The following CDK5RAP2 variants were observed in gnomAD, a reference collection of about 807,000 sequenced individuals.
The protein encoded by CDK5RAP2 is CDK5 regulatory subunit associated protein 2, also known as CDK5 regulatory subunit-associated protein 2.
Under a neutral mutation model 232.9 loss-of-function variants are expected in CDK5RAP2, and 147 were observed. That is an observed-to-expected ratio of 0.63 (90% CI 0.55 to 0.72). The LOEUF is 0.72. Ranked by LOEUF, CDK5RAP2 falls within the 30% of genes least tolerant of loss-of-function variation. The probability of loss-of-function intolerance (pLI) is 0.00; values close to 1 mark genes in which losing one functional copy is unlikely to be tolerated. For missense variants in CDK5RAP2, 2,195 were observed against 2,231.5 expected, an observed-to-expected ratio of 0.98 and a Z score of 0.33; for synonymous variants, 833 against 833.7, an observed-to-expected ratio of 1.00 and a Z score of 0.01.
chr9:120,482,746 A>G (rs2131592707), intron 14 of CDK5RAP2, among the ~76,000 whole-genome samples: 1 of 152,350 alleles, frequency 6.6e-6, no homozygotes, highest in Middle Eastern at 3.4e-3. Context: ...TTAAGTAGGT[A>G]AGAGGGGAAC....
At position 120,403,179 on chromosome 9, in the gene CDK5RAP2, C is replaced by T. The variant is rs2033184741; in HGVS notation, c.5042-108G>A. Reference sequence around the variant, plus strand: ...GAGGGCTAGAAGAGGCCCTCGTGCCCAAATGCCACCCAACACAAGCCCAGA... The same window carrying T: ...GAGGGCTAGAAGAGGCCCTCGTGCCTAAATGCCACCCAACACAAGCCCAGA... On this transcript the variant is annotated intron_variant, in intron 33 of 37. Coordinates refer to ENST00000349780, the MANE Select transcript of CDK5RAP2 (RefSeq NM_018249.6). The surrounding 1 kb of genome is among the most constrained non-coding windows in gnomAD (Gnocchi z 4.2). 1.8e-6 allele frequency: 2 copies of T among 1,111,628 alleles called. No individual in the cohort carries two copies. The highest frequency in any genetic ancestry group is 2.7e-6 in the Non-Finnish European group (2 of 745,492). The allele number at this position is 1,111,628 out of a possible 1,614,324, so 68.9% of individuals were successfully genotyped here. A position where few individuals can be genotyped will look rare whatever the true frequency, so the allele number is the denominator to read the frequency against.
intron 35 of CDK5RAP2, among the ~76,000 whole-genome samples, chr9:120,396,755 C>T (rs1165098839): frequency 6.6e-6 from 1 of 152,238 alleles, no homozygotes; most frequent in East Asian, 1.9e-4. Flanking sequence ...GCTCTCCTAA[C>T]ATCCTGTATA....
At chr9:120,422,780 A>C (rs754842009) in intron 25 of CDK5RAP2, 39 bp from the exon 26 acceptor site, 1 of 1,551,220 alleles carries the variant, frequency 6.4e-7, no homozygotes, top group Admixed American at 1.7e-5. Context: ...AGGAGAAAAA[A>C]ATGTTTTTAA....
intron 18 of CDK5RAP2, 81 bp from the exon 19 acceptor site, chr9:120,460,748 C>T: frequency 4.0e-6 from 5 of 1,236,502 alleles, no homozygotes; most frequent in Non-Finnish European, 4.4e-6. Context: ...TCAGTGATGT[C>T]TTTTTTTTTT....
At chr9:120,476,603 C>T (rs1272461634) in intron 15 of CDK5RAP2, among the ~76,000 whole-genome samples, 4 of 150,386 alleles carry the variant, frequency 2.7e-5, no homozygotes, top group Admixed American at 1.3e-4. Context: ...CGCTTGAACC[C>T]GGGAGGCGGA....
At position 120,536,438 on chromosome 9, in the gene CDK5RAP2, A is replaced by T; in HGVS notation, c.596T>A (p.Leu199His). 1 of 1,614,186 alleles carries T rather than the reference A, an allele frequency of 6.2e-7. No individual in the cohort carries two copies. The highest frequency in any genetic ancestry group is 8.5e-7 in the Non-Finnish European group (1 of 1,180,034). The stretch of plus-strand genomic sequence containing the variant: ...CTCGTGCATCTTCTTCATCTCTGAA[A>T]GCTTGCTTTCCAAACGCAACCGAAG... ...KALRLRLESK[L>H]SEMKKMHEGD... The change falls in exon 7 of 38, where the codon CTT (leucine) becomes CAT (histidine). Residue 199 changes from leucine to histidine, a missense_variant. Physicochemically the swap from Leu to His is moderately conservative, Grantham distance 99. Coordinates refer to ENST00000349780, the MANE Select transcript of CDK5RAP2 (RefSeq NM_018249.6).
chr9:120,554,607 T>C (rs1328101323), intron 3 of CDK5RAP2, among the ~76,000 whole-genome samples: 1 of 152,180 alleles, frequency 6.6e-6, no homozygotes, highest in African/African-American at 2.4e-5. Flanking sequence ...AATTTGACGA[T>C]TTCAAAATGT....
At chr9:120,477,201 G>A in intron 15 of CDK5RAP2, 149 bp downstream of exon 15, 3 of 713,348 alleles carry the variant, frequency 4.2e-6, no homozygotes, top group East Asian at 2.6e-5. Flanking sequence ...TAGGGCAGTC[G>A]CCACCCAAGC....
At chr9:120,521,222 TAACAAC>T (rs1456811524) in intron 11 of CDK5RAP2, among the ~76,000 whole-genome samples, 1 of 152,222 alleles carries the variant, frequency 6.6e-6, no homozygotes, top group Non-Finnish European at 1.5e-5. Flanking sequence ...AAGGGTGAGC[TAACAAC>T]ACTTACTGTG....
At chr9:120,460,062 G>T (rs1205057183) in intron 19 of CDK5RAP2, among the ~76,000 whole-genome samples, 1 of 152,150 alleles carries the variant, frequency 6.6e-6, no homozygotes. Flanking sequence ...CCAAATGACA[G>T]TAACGTGGGT....
At chr9:120,517,893 C>CAAAAAA (rs748203571) in intron 12 of CDK5RAP2, 1 of 326,688 alleles carries the variant, frequency 3.1e-6, no homozygotes, top group African/African-American at 2.2e-5. Flanking sequence ...GACCCTGTCT[C>CAAAAAA]AAAAAAAACA....
At chr9:120,566,689 G>A (rs948437339) in intron 3 of CDK5RAP2, among the ~76,000 whole-genome samples, 2 of 152,244 alleles carry the variant, frequency 1.3e-5, no homozygotes, top group Admixed American at 1.3e-4. Flanking sequence ...AATGAGGGAA[G>A]TACAGAGAGG....
At chr9:120,546,139 G>A (rs1476098674) in intron 4 of CDK5RAP2, among the ~76,000 whole-genome samples, 2 of 152,096 alleles carry the variant, frequency 1.3e-5, no homozygotes, top group African/African-American at 2.4e-5. Flanking sequence ...GCAATTCTGC[G>A]GTGTGTTTTT....
At chr9:120,569,641 G>A (rs2042774938) in intron 2 of CDK5RAP2, among the ~76,000 whole-genome samples, 1 of 152,214 alleles carries the variant, frequency 6.6e-6, no homozygotes, top group South Asian at 2.1e-4. Context: ...AGCAGGACTG[G>A]AGGTGAGAGA....
Position 120,437,282 on chromosome 9 carries a change from T to C in CDK5RAP2, c.3955+13A>G. The stretch of plus-strand genomic sequence containing the variant: ...ACTGATGTCTTAAGACTCGCGTACC[T>C]CACCCTACCTACCGTTGAGAAATAG... On this transcript the variant is annotated intron_variant, in intron 25 of 37. Transcript: ENST00000349780. 1 of 1,588,640 alleles carries C rather than the reference T, an allele frequency of 6.3e-7. No individual in the cohort carries two copies.
At chr9:120,568,748 CT>C (rs1288827788) in intron 2 of CDK5RAP2, among the ~76,000 whole-genome samples, 2 of 152,160 alleles carry the variant, frequency 1.3e-5, no homozygotes, top group East Asian at 3.8e-4. Context: ...GCACATCTAA[CT>C]GACTTGACAG....
At chr9:120,528,911 A>G (rs1202133650) in intron 8 of CDK5RAP2, 114 bp from the exon 9 acceptor site, 2 of 752,200 alleles carry the variant, frequency 2.7e-6, no homozygotes, top group East Asian at 2.6e-5. Flanking sequence ...ACTACTGTGG[A>G]ACTCGTTAAA....
intron 27 of CDK5RAP2, among the ~76,000 whole-genome samples, chr9:120,415,932 T>C (rs2034185931): frequency 1.3e-5 from 2 of 152,150 alleles, no homozygotes; most frequent in Admixed American, 1.3e-4. Context: ...GATGATGCAG[T>C]ATTACATAGC....
intron 5 of CDK5RAP2, among the ~76,000 whole-genome samples, chr9:120,542,593 T>C (rs745624276): frequency 6.6e-6 from 1 of 151,698 alleles, no homozygotes; most frequent in Non-Finnish European, 1.5e-5. Context: ...AAATATACAA[T>C]TATCTACATA....
Sources: gnomAD v4.1 joint callset for allele counts (sites outside exome capture counted in the v4.1 genomes callset) on GRCh38, gnomAD v4.1.1 for gene constraint, Gnocchi (gnomAD v3.1) non-coding constraint, MANE v1.5 for transcripts, NCBI Gene and HGNC (gene_info 2026-07-23, HGNC 2026-07-21) for gene names.